PTK2: variants seen among roughly 807,000 people sequenced by gnomAD.
PTK2 encodes the protein protein tyrosine kinase 2, also known as focal adhesion kinase 1.
PTK2 carries 45 observed loss-of-function variants against 150.1 expected under a neutral mutation model. The ratio of observed to expected loss-of-function variants is 0.30; its 90% CI spans 0.24 to 0.38. The LOEUF (loss-of-function observed/expected upper bound fraction) is 0.38. PTK2 is among the 10% of genes least tolerant of loss of function. The pLI, the probability that PTK2 is intolerant of heterozygous loss-of-function variation, is 1.00. For missense variants in PTK2, 919 were observed against 1,307.3 expected (o/e 0.70, Z 4.58); for synonymous variants, 432 against 449.2 (o/e 0.96, Z 0.48).
chr8:140,764,010 T>G, intron 15 of PTK2, among the ~76,000 whole-genome samples: 1 of 152,198 alleles, frequency 6.6e-6, no homozygotes, highest in Non-Finnish European at 1.5e-5. Flanking sequence ...ATTACAAAAA[T>G]CCTGTAACTA....
chr8:140,703,836 C>T (rs2100032157), intron 24 of PTK2, among the ~76,000 whole-genome samples: 2 of 152,186 alleles, frequency 1.3e-5, no homozygotes, highest in Admixed American at 1.3e-4. Flanking sequence ...GTATTGGTTT[C>T]CACACCTCAT....
intron 10 of PTK2, among the ~76,000 whole-genome samples, chr8:140,816,039 T>C (rs4291312): frequency 0.58 from 88,914 of 152,002 alleles, 27,784 homozygotes; most frequent in African/African-American, 0.8. Flanking sequence ...AAATTGTATG[T>C]GGGGAAAGGT....
At chr8:140,730,292 C>G (rs2100048449) in intron 22 of PTK2, among the ~76,000 whole-genome samples, 2 of 152,114 alleles carry the variant, frequency 1.3e-5, no homozygotes, top group African/African-American at 4.8e-5. Flanking sequence ...AAATTTCCAC[C>G]AACAGTGGAA....
chr8:140,950,783 C>T (rs1400070075), intron 1 of PTK2, among the ~76,000 whole-genome samples: 2 of 152,096 alleles, frequency 1.3e-5, no homozygotes, highest in African/African-American at 2.4e-5. Context: ...GATGGGCACC[C>T]CTCACCCCCG....
At chr8:140,926,414 G>C (rs1004685188) in intron 1 of PTK2, among the ~76,000 whole-genome samples, 7 of 152,188 alleles carry the variant, frequency 4.6e-5, no homozygotes, top group African/African-American at 1.7e-4. Context: ...GGTTTCCAGA[G>C]AAGAGTCTGG....
intron 23 of PTK2, among the ~76,000 whole-genome samples, chr8:140,710,133 G>A (rs554420281): frequency 4.0e-5 from 6 of 151,778 alleles, no homozygotes; most frequent in Admixed American, 3.3e-4. Context: ...TAGGCAACAC[G>A]GTGAAAAAAA....
At chr8:140,674,158 C>A (rs765564110) in intron 29 of PTK2, 140 bp downstream of exon 32, 1 of 864,332 alleles carries the variant, frequency 1.2e-6, no homozygotes, top group South Asian at 1.3e-5. Flanking sequence ...CAATTGACTC[C>A]TGGGTCTCAC....
chr8:140,935,441 C>A (rs1003567990), intron 1 of PTK2, among the ~76,000 whole-genome samples: 47 of 152,076 alleles, frequency 3.1e-4, no homozygotes, highest in African/African-American at 1.1e-3. Context: ...GCGATGTATC[C>A]ATGGTTCTCT....
intron 26 of PTK2, among the ~76,000 whole-genome samples, chr8:140,695,668 C>T (rs1053333964): frequency 1.3e-5 from 2 of 152,128 alleles, no homozygotes; most frequent in African/African-American, 2.4e-5. Context: ...TCCCAAAGTA[C>T]TGGGATTACA....
chr8:140,844,008 T>C lies in PTK2; in HGVS notation c.593+2252A>G, dbSNP rs562372911. ...ATGTGAGTTTCTCTGACTTCCACTGTTTCCTTCATGACCTTGACAGTTTTG... is the reference window on the plus strand; with the variant it reads ...ATGTGAGTTTCTCTGACTTCCACTGCTTCCTTCATGACCTTGACAGTTTTG... On this transcript the variant is annotated intron_variant, in intron 7 of 31. Transcript: ENST00000522684. Among the ~76,000 whole-genome samples the C allele has an allele frequency of 6.9e-4, 105 of 152,326 alleles. 1 individual carries two copies. Among genetic ancestry groups the C allele is most frequent in the African/African-American group, 2.2e-3 (90 of 41,588 alleles).
intron 1 of PTK2, among the ~76,000 whole-genome samples, chr8:140,941,115 T>G (rs1047196494): frequency 1.6e-4 from 24 of 152,340 alleles, no homozygotes; most frequent in African/African-American, 5.8e-4. Flanking sequence ...GACTGCCACC[T>G]GGGCTACACC....
At chr8:140,804,989 C>A (rs770379593) in intron 10 of PTK2, among the ~76,000 whole-genome samples, 21 of 152,260 alleles carry the variant, frequency 1.4e-4, no homozygotes, top group Non-Finnish European at 2.6e-4. Context: ...ACTGGCTTCT[C>A]CCCTACTCAA....
intron 2 of PTK2, among the ~76,000 whole-genome samples, chr8:140,918,200 G>A (rs1051711642): frequency 6.6e-6 from 1 of 152,144 alleles, no homozygotes; most frequent in African/African-American, 2.4e-5. Flanking sequence ...GGAAGAGTTC[G>A]GGGTGTTTGA....
chr8:140,808,610 G>A (rs1312211027), intron 10 of PTK2, among the ~76,000 whole-genome samples: 2 of 151,910 alleles, frequency 1.3e-5, no homozygotes, highest in African/African-American at 4.8e-5. Context: ...GAAATTTTTG[G>A]CTCATAATAT....
At chr8:140,902,048 T>G (rs1441826289) in intron 2 of PTK2, among the ~76,000 whole-genome samples, 1 of 151,942 alleles carries the variant, frequency 6.6e-6, no homozygotes, top group Admixed American at 6.6e-5. Flanking sequence ...TTTTTTTTTT[T>G]TTGGAGATGG....
rs180896082 is a variant in PTK2 at position 140,826,440 on chromosome 8, T to C, written c.648+4032A>G. On this transcript the variant is annotated intron_variant, in intron 8 of 31. Transcript: ENST00000522684. ...GAATTCCTAAGCCAAATACACACTA[T>C]TGGGTACACAAAATTACAGTGATTC... Among the ~76,000 whole-genome samples the C allele has an allele frequency of 7.0e-4, 107 of 152,308 alleles. 1 individual carries two copies. Among genetic ancestry groups the C allele is most frequent in the Non-Finnish European group, 1.3e-3 (90 of 68,036 alleles).
At chr8:140,787,518 G>T (rs571450308) in intron 14 of PTK2, among the ~76,000 whole-genome samples, 9 of 152,168 alleles carry the variant, frequency 5.9e-5, no homozygotes, top group Non-Finnish European at 1.0e-4. Context: ...GGGGTTGGCT[G>T]GAAGAAGTAA....
intron 4 of PTK2, among the ~76,000 whole-genome samples, chr8:140,872,550 G>A (rs2100143165): frequency 6.6e-6 from 1 of 152,190 alleles, no homozygotes; most frequent in African/African-American, 2.4e-5. Context: ...ACTGACTGGG[G>A]AAGCGCTGGG....
intron 16 of PTK2, among the ~76,000 whole-genome samples, chr8:140,758,313 T>A (rs1240421941): frequency 1.3e-5 from 2 of 152,200 alleles, no homozygotes; most frequent in Non-Finnish European, 2.9e-5. Flanking sequence ...GGTATTGAAC[T>A]CCTGGGTTCG....
Sources: allele counts gnomAD v4.1 joint callset (sites outside exome capture counted in the v4.1 genomes callset), GRCh38; gene constraint gnomAD v4.1.1; transcripts MANE v1.5; gene names NCBI Gene and HGNC (gene_info 2026-07-23, HGNC 2026-07-21).